TMCC1: variants seen among roughly 807,000 people sequenced by gnomAD.
The protein encoded by TMCC1 is transmembrane and coiled-coil domain family 1.
A neutral mutation model predicts 52.4 loss-of-function variants in TMCC1; 15 were observed. The observed-to-expected ratio is 0.29, with a 90% CI of 0.19 to 0.44. The LOEUF is 0.44. Ranked by LOEUF, TMCC1 falls within the 20% of genes least tolerant of loss-of-function variation. The probability of loss-of-function intolerance (pLI) is 1.00; values close to 1 mark genes in which losing one functional copy is unlikely to be tolerated. For missense variants in TMCC1, 503 were observed against 806.0 expected (o/e 0.62, Z 4.55); for synonymous variants, 279 against 301.9 (o/e 0.92, Z 0.79).
At chr3:129,855,074 T>A (rs1192710434) in intron 2 of TMCC1, among the ~76,000 whole-genome samples, 1 of 152,158 alleles carries the variant, frequency 6.6e-6, no homozygotes, top group Non-Finnish European at 1.5e-5. Flanking sequence ...TAGGTCAAAC[T>A]CCTATCACCA....
intron 4 of TMCC1, among the ~76,000 whole-genome samples, chr3:129,701,176 G>A (rs1445771626): frequency 6.6e-6 from 1 of 152,166 alleles, no homozygotes; most frequent in African/African-American, 2.4e-5. Context: ...AGTGGCAAAA[G>A]ATGGGAAAAT....
intron 5 of TMCC1, among the ~76,000 whole-genome samples, chr3:129,662,542 G>C (rs752256067): frequency 1.3e-5 from 2 of 152,088 alleles, no homozygotes; most frequent in Non-Finnish European, 2.9e-5. Flanking sequence ...GGAAGCTGAG[G>C]CACGACAATT....
At chr3:129,847,736 A>G (rs1399458402) in intron 2 of TMCC1, 2 of 152,210 alleles carry the variant, frequency 1.3e-5, no homozygotes, top group Admixed American at 6.5e-5. Context: ...ATTTACTTTG[A>G]AAGAAACTGC....
chr3:129,844,969 T>C (rs772898972), intron 2 of TMCC1, among the ~76,000 whole-genome samples: 67 of 152,180 alleles, frequency 4.4e-4, no homozygotes, highest in Non-Finnish European at 8.7e-4. Context: ...ATCTAGATTA[T>C]GAATCCTAGC....
At chr3:129,663,222 A>G (rs1046061852) in intron 5 of TMCC1, among the ~76,000 whole-genome samples, 2 of 152,130 alleles carry the variant, frequency 1.3e-5, no homozygotes, top group Admixed American at 6.6e-5. Context: ...GTGTGGCTCA[A>G]AAGTTTGGAG....
At chr3:129,867,449 G>C (rs1236398524) in intron 2 of TMCC1, among the ~76,000 whole-genome samples, 2 of 152,070 alleles carry the variant, frequency 1.3e-5, no homozygotes, top group African/African-American at 4.8e-5. Context: ...TCAATAGCTA[G>C]TTTTCCTGTT....
chr3:129,664,246 T>A (rs2087271458), intron 5 of TMCC1, among the ~76,000 whole-genome samples: 2 of 152,224 alleles, frequency 1.3e-5, no homozygotes, highest in Admixed American at 1.3e-4. Context: ...AGATCACTTT[T>A]CAGTTGACAG....
Position 129,840,850 on chromosome 3 carries a change from G to GT in TMCC1, c.-183-8025dup, listed in dbSNP as rs1173207015. On this transcript the variant is annotated intron_variant, in intron 2 of 6. Transcript: ENST00000393238. The stretch of plus-strand genomic sequence containing the variant: ...TTTATAAACTACCCAGTCTCAGGTA[G>GT]TTTTTTATAGCAGTGTGAAAATGGA... Among the ~76,000 whole-genome samples the GT allele has an allele frequency of 6.6e-5, 10 of 152,298 alleles. No individual in the cohort carries two copies. The East Asian group carries it at 1.7e-3, about 26-fold the overall frequency.
chr3:129,815,972 C>T (rs1025009423), intron 4 of TMCC1, among the ~76,000 whole-genome samples: 1 of 152,062 alleles, frequency 6.6e-6, no homozygotes, highest in Non-Finnish European at 1.5e-5. Context: ...AAATGGCCAA[C>T]AAGTATATGA....
chr3:129,823,202 T>C (rs2058500994), intron 4 of TMCC1, among the ~76,000 whole-genome samples: 1 of 152,022 alleles, frequency 6.6e-6, no homozygotes, highest in Non-Finnish European at 1.5e-5. Flanking sequence ...GATGTGCGCC[T>C]GTAATCTCAG....
chr3:129,756,630 A>T (rs200866123), intron 4 of TMCC1, among the ~76,000 whole-genome samples: 2 of 151,936 alleles, frequency 1.3e-5, no homozygotes, highest in Admixed American at 6.6e-5. Flanking sequence ...ATCTCTTGAC[A>T]TCGTGATCCA....
At chr3:129,770,627 GAAATGAAATA>G (rs1289933040) in intron 4 of TMCC1, among the ~76,000 whole-genome samples, 28 of 137,188 alleles carry the variant, frequency 2.0e-4, no homozygotes, top group African/African-American at 6.8e-4. Flanking sequence ...GAAATGAAAT[GAAATGAAATA>G]AAATAAAATA....
At chr3:129,704,325 C>T (rs1269006530) in intron 4 of TMCC1, among the ~76,000 whole-genome samples, 5 of 152,226 alleles carry the variant, frequency 3.3e-5, no homozygotes, top group African/African-American at 4.8e-5. Flanking sequence ...CTGGTATCAA[C>T]ACTTAACATA....
At chr3:129,757,570 C>T (rs572545712) in intron 4 of TMCC1, among the ~76,000 whole-genome samples, 98 of 152,250 alleles carry the variant, frequency 6.4e-4, no homozygotes, top group African/African-American at 1.9e-3. Flanking sequence ...CCTGTAATCC[C>T]AGCACTTTGG....
intron 4 of TMCC1, among the ~76,000 whole-genome samples, chr3:129,770,202 G>A (rs530124657): frequency 2.6e-5 from 4 of 152,058 alleles, no homozygotes; most frequent in Non-Finnish European, 4.4e-5. Context: ...CTAACTATAC[G>A]TATTTATTGA....
chr3:129,677,989 T>C (rs887759279), intron 4 of TMCC1, among the ~76,000 whole-genome samples: 1 of 152,180 alleles, frequency 6.6e-6, no homozygotes, highest in African/African-American at 2.4e-5. Flanking sequence ...TGCAGTAGCA[T>C]GATCTTGGCT....
chr3:129,781,950 T>G (rs549924470), intron 4 of TMCC1, among the ~76,000 whole-genome samples: 3 of 152,154 alleles, frequency 2.0e-5, no homozygotes, highest in Non-Finnish European at 2.9e-5. Flanking sequence ...GCTGATATAC[T>G]GGGAATAAGA....
At chr3:129,668,374 C>T (rs973450406) in intron 5 of TMCC1, among the ~76,000 whole-genome samples, 1 of 152,114 alleles carries the variant, frequency 6.6e-6, no homozygotes, top group Non-Finnish European at 1.5e-5. Context: ...AATAATTTCA[C>T]TTAAATATCA....
At chr3:129,727,888 G>A (rs1043965467) in intron 4 of TMCC1, among the ~76,000 whole-genome samples, 2 of 152,138 alleles carry the variant, frequency 1.3e-5, no homozygotes, top group Non-Finnish European at 2.9e-5. Flanking sequence ...GCAAATTGGG[G>A]ATTATTCGAA....
Sources: allele counts gnomAD v4.1 joint callset (sites outside exome capture counted in the v4.1 genomes callset), GRCh38; gene constraint gnomAD v4.1.1; transcripts MANE v1.5; gene names NCBI Gene and HGNC (gene_info 2026-07-23, HGNC 2026-07-21).